The following BRDT variants were observed in gnomAD, a reference collection of about 807,000 sequenced individuals.
The protein encoded by BRDT is bromodomain testis associated, also known as bromodomain testis-specific protein.
BRDT carries 77 observed loss-of-function variants against 113.9 expected under a neutral mutation model. The ratio of observed to expected loss-of-function variants is 0.68; its 90% CI spans 0.56 to 0.82. The LOEUF is 0.82. BRDT is among the 40% of genes least tolerant of loss of function. BRDT has a pLI of 0.00. For synonymous variants in BRDT, 358 were observed against 366.5 expected, an observed-to-expected ratio of 0.98 and a Z score of 0.26; for missense variants, 1,027 against 1,105.4, an observed-to-expected ratio of 0.93 and a Z score of 1.01.
chr1:91,985,889 C>T (rs1379479291), intron 12 of BRDT, among the ~76,000 whole-genome samples: 4 of 152,046 alleles, frequency 2.6e-5, no homozygotes, highest in African/African-American at 7.2e-5. Flanking sequence ...CCGCCCGCCT[C>T]GGCCTCCCAA....
chr1:91,973,824 G>A (rs1282400979), intron 4 of BRDT, among the ~76,000 whole-genome samples: 6 of 152,092 alleles, frequency 3.9e-5, no homozygotes, highest in Admixed American at 3.9e-4. Flanking sequence ...TGTTGAATAG[G>A]AGTGGTGAGA....
At chr1:91,972,872 T>A (rs928985506) in intron 4 of BRDT, among the ~76,000 whole-genome samples, 4 of 152,208 alleles carry the variant, frequency 2.6e-5, no homozygotes, top group Non-Finnish European at 5.9e-5. Context: ...CATTCAAATT[T>A]ACTTAGTTCC....
chr1:91,959,355 C>T (rs1343330100), intron 1 of BRDT, among the ~76,000 whole-genome samples: 2 of 151,742 alleles, frequency 1.3e-5, no homozygotes, highest in African/African-American at 4.8e-5. Flanking sequence ...GGATAAGAGC[C>T]AGTTTAGTTG....
At chr1:91,974,954 A>G (rs982722353) in intron 4 of BRDT, among the ~76,000 whole-genome samples, 5 of 152,318 alleles carry the variant, frequency 3.3e-5, no homozygotes, top group African/African-American at 1.2e-4. Flanking sequence ...ATGAAGCCAT[A>G]AAAAAGGATG....
In BRDT at chr1:91,976,371, C is replaced by A. The variant is rs778094118; in HGVS notation, c.551C>A (p.Thr184Lys). 1 of 1,612,488 alleles carries A rather than the reference C, an allele frequency of 6.2e-7. No individual in the cohort carries two copies. The highest frequency in any genetic ancestry group is 2.2e-5 in the East Asian group (1 of 44,748). Residue 184 changes from threonine to lysine, a missense_variant, in exon 5 of 19, where the codon ACA (threonine) becomes AAA (lysine). Physicochemically the swap from Thr to Lys is moderately conservative, Grantham distance 78. Transcript: ENST00000399546. ...GAAATTCCTTCTGTATTTCCTAAGA[C>A]ATCTATTTCTCCCTTGAACGTGGTA... is the stretch of plus-strand genomic sequence containing the variant. ...QQEIPSVFPK[T>K]SISPLNVVQG...
Position 91,968,051 on chromosome 1 carries a change from T to C in BRDT, c.331-95T>C, listed in dbSNP as rs368296473. The C allele has an allele frequency of 2.9e-4, 365 of 1,254,702 alleles. 4 individuals are homozygous for C. In the South Asian group the frequency reaches 5.3e-3, roughly 18 times the overall value. The allele number at this position is 1,254,702 out of a possible 1,614,324, so 77.7% of individuals were successfully genotyped here. A position where few individuals can be genotyped will look rare whatever the true frequency, so the allele number is the denominator to read the frequency against. ...AGAGATGAATACCGTCTAGGAGTAC[T>C]ATGTTACTGCCTTCCATAAAGTGGG... On this transcript the variant is annotated intron_variant, in intron 3 of 18. Coordinates refer to ENST00000399546, the MANE Select transcript of BRDT (RefSeq NM_207189.4).
rs150379235 is a variant in BRDT at position 91,976,438 on chromosome 1, A to T, written c.618A>T (p.Gln206His). 2.9e-5 allele frequency: 44 copies of T among 1,537,538 alleles called. 1 individual carries two copies. The Admixed American group carries it at 5.6e-4, about 19-fold the overall frequency. ...ACTCCAGTTCACAAACTGCGGCCCA[A>T]GTAAGTTTGTTGTAGTTTTTAAATC... ...SVNSSSQTAA[Q>H]VTKGVKRKAD... The change falls in exon 5 of 19, where the codon CAA becomes CAT. Residue 206 changes from glutamine to histidine, a missense_variant and splice_region_variant. By Grantham distance (24) the Gln-to-His change is conservative (BLOSUM62 0). Coordinates refer to ENST00000399546, the MANE Select transcript of BRDT (RefSeq NM_207189.4).
chr1:91,966,133 A>T (rs1434572581), intron 3 of BRDT, among the ~76,000 whole-genome samples: 1 of 152,158 alleles, frequency 6.6e-6, no homozygotes, highest in Non-Finnish European at 1.5e-5. Flanking sequence ...GCTCTCATCC[A>T]TAAAATTGGA....
intron 1 of BRDT, among the ~76,000 whole-genome samples, chr1:91,960,399 A>G (rs1045644422): frequency 6.6e-6 from 1 of 152,254 alleles, no homozygotes; most frequent in South Asian, 2.1e-4. Context: ...TACAACATGG[A>G]TGAATCTTGA....
Position 91,962,801 on chromosome 1 carries a change from C to T in BRDT, c.47C>T (p.Pro16Leu), listed in dbSNP as rs573028112. ...RQTAIIVNPP[P>L]PEYINTKKNG... ...ACAGCTATTATTGTTAACCCTCCTC[C>T]ACCAGAATATATAAATACTAAGAAA... The change falls in exon 2 of 19, where the codon CCA becomes CTA. Residue 16 changes from proline (P) to leucine (L), a missense_variant. Pro to Leu is a moderately conservative substitution (Grantham distance 98). Coordinates refer to ENST00000399546, the MANE Select transcript of BRDT (RefSeq NM_207189.4). 6.5e-5 allele frequency: 104 copies of T among 1,607,880 alleles called. 2 individuals are homozygous for T. In the South Asian group the frequency reaches 1.1e-3, roughly 17 times the overall value.
At chr1:91,955,405 G>C (rs955840228) in intron 1 of BRDT, among the ~76,000 whole-genome samples, 1 of 152,182 alleles carries the variant, frequency 6.6e-6, no homozygotes. Context: ...AGTGAGCTGA[G>C]ATTGCTCCAT....
At chr1:91,986,504 A>T (rs915254637) in intron 12 of BRDT, among the ~76,000 whole-genome samples, 1 of 152,226 alleles carries the variant, frequency 6.6e-6, no homozygotes, top group Non-Finnish European at 1.5e-5. Context: ...AATGGTCATG[A>T]CATCAGTTCA....
intron 15 of BRDT, among the ~76,000 whole-genome samples, chr1:91,995,403 CTGTGTGTGTGTGTGTGTGTGTG>C (rs200254179): frequency 0.013 from 1,928 of 146,808 alleles, 21 homozygotes; most frequent in Middle Eastern, 0.024. Context: ...CCCTACTATT[CTGTGTGTGTGTGTGTGTGTGTG>C]TGTGTGTGTG....
At position 91,981,249 on chromosome 1, in the gene BRDT, T is replaced by C. The variant is rs779815653; in HGVS notation, c.1751-19T>C. The C allele has an allele frequency of 8.1e-6, 13 of 1,611,582 alleles. No homozygotes were observed. The highest frequency in any genetic ancestry group is 8.5e-7 in the Non-Finnish European group (1 of 1,178,844). ...TGGTTTTTGGTTATACTCACTTTCT[T>C]CCCTCCTAAATCACACAGCTAAGAA... On this transcript the variant is annotated intron_variant, in intron 10 of 18. Coordinates refer to ENST00000399546, the MANE Select transcript of BRDT (RefSeq NM_207189.4).
chr1:91,967,575 T>C (rs538636531), intron 3 of BRDT, among the ~76,000 whole-genome samples: 24 of 152,298 alleles, frequency 1.6e-4, no homozygotes, highest in Middle Eastern at 3.4e-3. Context: ...ATTTTGTATT[T>C]TTAGTAGAGA....
At chr1:91,971,967 T>TA in intron 4 of BRDT, among the ~76,000 whole-genome samples, 1 of 152,254 alleles carries the variant, frequency 6.6e-6, no homozygotes, top group Non-Finnish European at 1.5e-5. Context: ...ATCTCATCTT[T>TA]AAAATACTCC....
intron 3 of BRDT, among the ~76,000 whole-genome samples, chr1:91,967,060 C>T (rs942890491): frequency 9.2e-5 from 14 of 152,050 alleles, no homozygotes; most frequent in African/African-American, 3.4e-4. Flanking sequence ...CAGAGTGAGA[C>T]TTCGTCGTTG....
chr1:92,014,422 T>A (rs1037573249), downstream of BRDT: 1 of 548,970 alleles, frequency 1.8e-6, no homozygotes, highest in East Asian at 3.4e-5. Flanking sequence ...TTCACTTACA[T>A]TTTTAATAGC....
chr1:92,009,848 GGT>G (rs1179354191), intron 18 of BRDT, among the ~76,000 whole-genome samples: 2 of 151,944 alleles, frequency 1.3e-5, no homozygotes, highest in Non-Finnish European at 2.9e-5. Flanking sequence ...TAGAATTACA[GGT>G]GTGAGCCACT....
Sources: gnomAD v4.1 joint callset for allele counts (sites outside exome capture counted in the v4.1 genomes callset) on GRCh38, gnomAD v4.1.1 for gene constraint, MANE v1.5 for transcripts, NCBI Gene and HGNC (gene_info 2026-07-23, HGNC 2026-07-21) for gene names.